The following LHFPL3 variants were observed in gnomAD, a reference collection of about 807,000 sequenced individuals.
LHFPL3 encodes LHFPL tetraspan subfamily member 3, also known as LHFPL tetraspan subfamily member 3 protein.
Under a neutral mutation model 19.3 loss-of-function variants are expected in LHFPL3, and 5 were observed. The ratio of observed to expected loss-of-function variants is 0.26; its 90% CI spans 0.14 to 0.54. The LOEUF is 0.54. LHFPL3 is among the 20% of genes least tolerant of loss of function. LHFPL3 has a pLI of 0.94. For synonymous variants in LHFPL3, 133 were observed against 126.2 expected, an observed-to-expected ratio of 1.05 and a Z score of -0.36; for missense variants, 249 against 307.4, an observed-to-expected ratio of 0.81 and a Z score of 1.42.
At chr7:104,491,842 C>G (rs1221080937) in intron 1 of LHFPL3, among the ~76,000 whole-genome samples, 1 of 152,154 alleles carries the variant, frequency 6.6e-6, no homozygotes, top group African/African-American at 2.4e-5. Context: ...TTTTCCCATC[C>G]AAATTAAAAT....
chr7:104,861,893 G>C (rs772813644), intron 2 of LHFPL3, among the ~76,000 whole-genome samples: 5 of 152,158 alleles, frequency 3.3e-5, no homozygotes, highest in Non-Finnish European at 7.3e-5. Flanking sequence ...CCTGGAATGA[G>C]TGCTGCTGTC....
chr7:104,439,070 C>A (rs1294267650), intron 1 of LHFPL3, among the ~76,000 whole-genome samples: 2 of 152,028 alleles, frequency 1.3e-5, no homozygotes, highest in African/African-American at 4.8e-5. Flanking sequence ...GCCTTATATC[C>A]ATCAACAGTA....
chr7:104,860,034 T>C (rs896036941), intron 2 of LHFPL3, among the ~76,000 whole-genome samples: 13 of 152,186 alleles, frequency 8.5e-5, no homozygotes, highest in Non-Finnish European at 1.6e-4. Flanking sequence ...GCATAAACTA[T>C]GATGTGATAA....
At chr7:104,839,377 A>C (rs971923165) in intron 2 of LHFPL3, among the ~76,000 whole-genome samples, 13 of 152,152 alleles carry the variant, frequency 8.5e-5, no homozygotes, top group Admixed American at 2.6e-4. Context: ...TAAAATTAAT[A>C]ATTTGGGGGC....
At chr7:104,689,365 T>C (rs768514006) in intron 1 of LHFPL3, among the ~76,000 whole-genome samples, 1 of 152,176 alleles carries the variant, frequency 6.6e-6, no homozygotes, top group Non-Finnish European at 1.5e-5. Flanking sequence ...GGTTAATTAA[T>C]CATGGTGTTC....
At chr7:104,454,673 T>C (rs975229198) in intron 1 of LHFPL3, among the ~76,000 whole-genome samples, 1 of 152,130 alleles carries the variant, frequency 6.6e-6, no homozygotes, top group Non-Finnish European at 1.5e-5. Context: ...GGTAAATCAA[T>C]GAGATCCCAT....
chr7:104,410,599 T>C (rs1215464152), intron 1 of LHFPL3, among the ~76,000 whole-genome samples: 1 of 152,212 alleles, frequency 6.6e-6, no homozygotes, highest in African/African-American at 2.4e-5. Context: ...AATCAAAATA[T>C]TTCACCATTA....
intron 2 of LHFPL3, among the ~76,000 whole-genome samples, chr7:104,886,074 A>G (rs1208226313): frequency 6.6e-6 from 1 of 152,212 alleles, no homozygotes; most frequent in Non-Finnish European, 1.5e-5. Flanking sequence ...CGTAGCACTC[A>G]AAGCCACCTG....
chr7:104,391,714 C>T (rs1335398423), intron 1 of LHFPL3, among the ~76,000 whole-genome samples: 1 of 152,122 alleles, frequency 6.6e-6, no homozygotes, highest in Admixed American at 6.6e-5. Context: ...TTTTCCAATT[C>T]TGTGAAGAAA....
intron 1 of LHFPL3, among the ~76,000 whole-genome samples, chr7:104,715,224 A>ATGTGTATGTG (rs1230888864): frequency 6.6e-6 from 1 of 152,084 alleles, no homozygotes. Context: ...AAAACTATAT[A>ATGTGTATGTG]TGTGTATGTG....
At chr7:104,454,151 A>C (rs751684178) in intron 1 of LHFPL3, among the ~76,000 whole-genome samples, 2 of 152,136 alleles carry the variant, frequency 1.3e-5, no homozygotes, top group Non-Finnish European at 2.9e-5. Flanking sequence ...AGGGAGATGG[A>C]GATTGGGGAG....
intron 1 of LHFPL3, among the ~76,000 whole-genome samples, chr7:104,347,879 A>G (rs2116381939): frequency 7.0e-6 from 1 of 142,414 alleles, no homozygotes; most frequent in Admixed American, 7.2e-5. Context: ...CGACAGAGCC[A>G]GACTCTGTCT....
intron 1 of LHFPL3, 42 bp downstream of exon 1, chr7:104,329,266 G>A (rs766561435): frequency 3.6e-5 from 56 of 1,551,612 alleles, no homozygotes; most frequent in Non-Finnish European, 4.7e-5. Flanking sequence ...GGACCCCGGG[G>A]CGCCCGAGCC....
intron 1 of LHFPL3, among the ~76,000 whole-genome samples, chr7:104,403,541 C>T (rs1791356079): frequency 6.6e-6 from 1 of 152,214 alleles, no homozygotes; most frequent in Non-Finnish European, 1.5e-5. Flanking sequence ...AACTCTTCTC[C>T]TCTTTAATAC....
rs1206636486 is a variant in LHFPL3, at chr7:104,457,001, C to T, written c.445+127777C>T. ...GGTAAGGGGGGACTGTTGTACATTCCAATATGGAAACTCTGATTAAGTTAG... is the reference window on the plus strand; with the variant it reads ...GGTAAGGGGGGACTGTTGTACATTCTAATATGGAAACTCTGATTAAGTTAG... On this transcript the variant is annotated intron_variant, in intron 1 of 2. Transcript: ENST00000424859. Among the ~76,000 whole-genome samples, 3 of 152,058 alleles carry T rather than the reference C, an allele frequency of 2.0e-5. No individual in the cohort carries two copies. The East Asian group carries it at 5.8e-4, about 29-fold the overall frequency.
At chr7:104,555,647 C>A (rs1002277667) in intron 1 of LHFPL3, among the ~76,000 whole-genome samples, 1 of 152,186 alleles carries the variant, frequency 6.6e-6, no homozygotes, top group African/African-American at 2.4e-5. Context: ...GGTGGGGACA[C>A]AGGCAAACCA....
intron 2 of LHFPL3, among the ~76,000 whole-genome samples, chr7:104,839,948 T>C (rs1339863704): frequency 6.6e-6 from 1 of 152,168 alleles, no homozygotes; most frequent in African/African-American, 2.4e-5. Flanking sequence ...CTCTGAGTTT[T>C]TGTTTCCTAA....
intron 1 of LHFPL3, among the ~76,000 whole-genome samples, chr7:104,547,667 T>G (rs998045360): frequency 2.0e-5 from 3 of 152,200 alleles, no homozygotes; most frequent in African/African-American, 7.2e-5. Flanking sequence ...CTGTACCCTA[T>G]TCTCAGGTTT....
chr7:104,348,003 T>C (rs1790104282), intron 1 of LHFPL3, among the ~76,000 whole-genome samples: 1 of 152,218 alleles, frequency 6.6e-6, no homozygotes, highest in East Asian at 1.9e-4. Flanking sequence ...CTCAGCTCTT[T>C]ATAGAGAAAG....
Sources: allele counts gnomAD v4.1 joint callset (sites outside exome capture counted in the v4.1 genomes callset), GRCh38; gene constraint gnomAD v4.1.1; transcripts MANE v1.5; gene names NCBI Gene and HGNC (gene_info 2026-07-23, HGNC 2026-07-21).